The following LOC102723971 variants were observed in gnomAD, a reference collection of about 807,000 sequenced individuals.
At chr9:135,619,598 G>A in the LOC102723971 span, among the ~76,000 whole-genome samples, 3 of 152,114 alleles carry the variant, frequency 2.0e-5, no homozygotes, top group Admixed American at 6.5e-5. Flanking sequence ...CCTGCTCTCT[G>A]CAGAAGCCCA....
the LOC102723971 span, among the ~76,000 whole-genome samples, chr9:135,614,953 G>A: frequency 6.6e-6 from 1 of 152,192 alleles, no homozygotes; most frequent in Non-Finnish European, 1.5e-5. Context: ...CAGCAAGTGG[G>A]GAAGGGGACT....
At chr9:135,615,288 C>T in the LOC102723971 span, 1 of 397,316 alleles carries the variant, frequency 2.5e-6, no homozygotes, top group Non-Finnish European at 4.4e-6. Context: ...CCGGCCCACA[C>T]CCCTGCATGT....
chr9:135,616,403 GCCAGGACGAGGCTGCC>G, the LOC102723971 span, among the ~76,000 whole-genome samples: 4 of 152,160 alleles, frequency 2.6e-5, no homozygotes, highest in Non-Finnish European at 5.9e-5. Context: ...TGGTGCCTGT[GCCAGGACGAGGCTGCC>G]CTTGAGTCTG....
chr9:135,616,764 C>T, the LOC102723971 span: 9 of 398,184 alleles, frequency 2.3e-5, no homozygotes, highest in South Asian at 2.6e-4. Flanking sequence ...AAGGGGTTGT[C>T]GGCTTTGGGG....
the LOC102723971 span, among the ~76,000 whole-genome samples, chr9:135,619,740 C>T: frequency 9.2e-5 from 14 of 151,998 alleles, no homozygotes; most frequent in East Asian, 1.9e-4. Context: ...GGCTGCCCAT[C>T]GGCAGGGCAG....
At chr9:135,619,738 A>G in the LOC102723971 span, among the ~76,000 whole-genome samples, 1 of 151,970 alleles carries the variant, frequency 6.6e-6, no homozygotes, top group African/African-American at 2.4e-5. Context: ...AGGGCTGCCC[A>G]TCGGCAGGGC....
chr9:135,617,413 G>A, the LOC102723971 span, among the ~76,000 whole-genome samples: 12 of 152,174 alleles, frequency 7.9e-5, no homozygotes, highest in South Asian at 8.3e-4. Context: ...AGAAGGGCTC[G>A]AAGGGCACAG....
chr9:135,619,512 T>G, the LOC102723971 span, among the ~76,000 whole-genome samples: 1 of 151,916 alleles, frequency 6.6e-6, no homozygotes, highest in African/African-American at 2.4e-5. Flanking sequence ...TCCAGAGAGG[T>G]GGCCTCCATG....
the LOC102723971 span, chr9:135,615,294 C>CA: frequency 2.5e-6 from 1 of 397,286 alleles, no homozygotes; most frequent in African/African-American, 2.1e-5. Flanking sequence ...CACACCCCTG[C>CA]ATGTGGAGGG....
the LOC102723971 span, chr9:135,619,029 C>T: frequency 5.0e-6 from 2 of 402,548 alleles, no homozygotes; most frequent in Non-Finnish European, 8.8e-6. Context: ...CCTTCCACCT[C>T]CTTCACCTTG....
chr9:135,618,585 G>A, the LOC102723971 span, among the ~76,000 whole-genome samples: 3 of 151,998 alleles, frequency 2.0e-5, no homozygotes, highest in African/African-American at 4.8e-5. Flanking sequence ...TGACCGTGCT[G>A]TGTGAGCACG....
At chr9:135,614,821 G>A in the LOC102723971 span, among the ~76,000 whole-genome samples, 39 of 152,100 alleles carry the variant, frequency 2.6e-4, no homozygotes, top group Non-Finnish European at 4.4e-4. Flanking sequence ...TGCTGCTGGT[G>A]GGAGTGCAGG....
At chr9:135,618,827 G>A in the LOC102723971 span, 1 of 398,396 alleles carries the variant, frequency 2.5e-6, no homozygotes, top group Non-Finnish European at 4.4e-6. Flanking sequence ...TGATGCCAGT[G>A]AGGGATGGCT....
At chr9:135,616,562 C>T in the LOC102723971 span, 1 of 398,612 alleles carries the variant, frequency 2.5e-6, no homozygotes, top group South Asian at 1.3e-4. Flanking sequence ...GCTGACCAGG[C>T]CCTGGTTCCT....
At chr9:135,617,615 C>T in the LOC102723971 span, among the ~76,000 whole-genome samples, 1 of 152,098 alleles carries the variant, frequency 6.6e-6, no homozygotes, top group Non-Finnish European at 1.5e-5. Context: ...GGCACCAGGC[C>T]GGAACTTGGG....
chr9:135,614,326 A>T, the LOC102723971 span: 1 of 398,662 alleles, frequency 2.5e-6, no homozygotes, highest in South Asian at 1.3e-4. Context: ...AGGTACCGGT[A>T]CAGCCGGGCT....
At chr9:135,616,743 G>T in the LOC102723971 span, 1 of 398,604 alleles carries the variant, frequency 2.5e-6, no homozygotes, top group Non-Finnish European at 4.4e-6. Flanking sequence ...AGTCCCGGCC[G>T]CAACACTCAG....
At chr9:135,617,069 A>C in the LOC102723971 span, 1 of 398,520 alleles carries the variant, frequency 2.5e-6, no homozygotes. Context: ...CAGACCCCAG[A>C]CATGAGGGCG....
chr9:135,614,868 C>T, the LOC102723971 span, among the ~76,000 whole-genome samples: 1 of 152,268 alleles, frequency 6.6e-6, no homozygotes, highest in Non-Finnish European at 1.5e-5. Context: ...AGACCCTCCC[C>T]TCTGCCCTCC....
Sources: allele counts gnomAD v4.1 joint callset (sites outside exome capture counted in the v4.1 genomes callset), GRCh38; gene constraint gnomAD v4.1.1; transcripts MANE v1.5.